The following COQ2 variants were observed in gnomAD, a reference collection of about 807,000 sequenced individuals.
COQ2 encodes 4-hydroxybenzoate polyprenyltransferase, mitochondrial.
A neutral mutation model predicts 35.7 loss-of-function variants in COQ2; 25 were observed. That is an observed-to-expected ratio of 0.70 (90% confidence interval 0.51 to 0.98). The LOEUF (loss-of-function observed/expected upper bound fraction) is 0.98, where lower values mean the gene tolerates loss of function less well. COQ2 is among the 50% of genes least tolerant of loss of function. The pLI is 0.00. For missense variants in COQ2, 488 were observed against 473.5 expected, an observed-to-expected ratio of 1.03 and a Z score of -0.28; for synonymous variants, 206 against 186.2, an observed-to-expected ratio of 1.11 and a Z score of -0.86.
At chr4:83,275,340 G>C (rs1361289347) in intron 2 of COQ2, among the ~76,000 whole-genome samples, 4 of 151,966 alleles carry the variant, frequency 2.6e-5, no homozygotes, top group Non-Finnish European at 1.5e-5. Context: ...GGTGGGAGAT[G>C]CTGCCTAATT....
At chr4:83,268,486 G>C (rs1734974638) in intron 5 of COQ2, among the ~76,000 whole-genome samples, 2 of 152,206 alleles carry the variant, frequency 1.3e-5, no homozygotes, top group Admixed American at 1.3e-4. Flanking sequence ...AACCTGACAG[G>C]CTCTCTTTTG....
chr4:83,274,271 G>A (rs1735115444), intron 2 of COQ2, among the ~76,000 whole-genome samples: 1 of 152,070 alleles, frequency 6.6e-6, no homozygotes, highest in Non-Finnish European at 1.5e-5. Flanking sequence ...TCAGCTCACT[G>A]CAACCTCTGC....
At position 83,279,928 on chromosome 4, in the gene COQ2, G is replaced by A. The variant is rs372914840; in HGVS notation, c.254-814C>T. Among the ~76,000 whole-genome samples the A allele has an allele frequency of 4.6e-4, 64 of 138,170 alleles. No homozygotes were observed. The South Asian group carries it at 0.015, about 31-fold the overall frequency. 90.6% of individuals were successfully genotyped at this position (138,170 alleles called of 152,430 possible). ...CAAGCTGGCGTACAATGGCATAATC[G>A]TAGCTCACTGTGGCTTCAAACTCCT... On this transcript the variant is annotated intron_variant, in intron 1 of 6. Transcript: ENST00000647002.
At chr4:83,275,877 C>T (rs1735153695) in intron 2 of COQ2, among the ~76,000 whole-genome samples, 1 of 151,402 alleles carries the variant, frequency 6.6e-6, no homozygotes. Context: ...GACTATTTTT[C>T]ATTTTCTGGA....
At chr4:83,281,973 T>TC (rs1735335570) in intron 1 of COQ2, among the ~76,000 whole-genome samples, 1 of 152,164 alleles carries the variant, frequency 6.6e-6, no homozygotes, top group African/African-American at 2.4e-5. Context: ...TTTTTTTTTT[T>TC]TGTCTTCCAT....
chr4:83,284,423 C>T, intron 1 of COQ2, 89 bp downstream of exon 1: 3 of 1,456,170 alleles, frequency 2.1e-6, no homozygotes, highest in Non-Finnish European at 1.8e-6. Flanking sequence ...TTCCATCACG[C>T]CCCGGCCGGC....
At chr4:83,283,516 T>G in intron 1 of COQ2, 1 of 985,468 alleles carries the variant, frequency 1.0e-6, no homozygotes, top group Non-Finnish European at 1.2e-6. Flanking sequence ...CAACTTGTCC[T>G]TTGGAGTATA....
chr4:83,269,936 T>A lies in COQ2; in HGVS notation c.686A>T (p.Asp229Val). The change falls in exon 5 of 7, where the codon GAT becomes GTT. Residue 229 changes from aspartate to valine, a missense_variant. Transcript: ENST00000647002. Reference protein sequence around the residue: ...LGWSAIKGSCDPSVCLPLYFS... With the variant: ...LGWSAIKGSCVPSVCLPLYFS... The stretch of plus-strand genomic sequence containing the variant: ...ATAAAGAGGCAGGCAAACAGATGGA[T>A]CACAGGAACCCTTGATAGCAGACCA... 1.2e-6 allele frequency: 2 copies of A among 1,613,584 alleles called. No homozygotes were observed. Among genetic ancestry groups the A allele is most frequent in the Non-Finnish European group, 1.7e-6 (2 of 1,179,660 alleles).
intron 2 of COQ2, among the ~76,000 whole-genome samples, chr4:83,276,303 T>G (rs571849930): frequency 4.6e-5 from 7 of 152,142 alleles, no homozygotes; most frequent in Non-Finnish European, 8.8e-5. Flanking sequence ...AGCCCTTTGT[T>G]GGACGCATTG....
At chr4:83,266,094 T>C (rs1734912079) in intron 6 of COQ2, among the ~76,000 whole-genome samples, 2 of 152,306 alleles carry the variant, frequency 1.3e-5, no homozygotes, top group South Asian at 2.1e-4. Flanking sequence ...ATGTCAGCCC[T>C]CATGGAGCTG....
chr4:83,276,023 TA>T (rs1199065011), intron 2 of COQ2, among the ~76,000 whole-genome samples: 7 of 50,756 alleles, frequency 1.4e-4, no homozygotes, highest in African/African-American at 2.0e-4. Context: ...ATATAATATA[TA>T]TTTTTATATA....
At chr4:83,267,797 A>G (rs1734957976) in intron 5 of COQ2, 23 bp from the exon 6 acceptor site, 3 of 1,516,494 alleles carry the variant, frequency 2.0e-6, no homozygotes, top group South Asian at 2.5e-5. Context: ...AGAAAAATAA[A>G]CTGTTTTTTG....
At chr4:83,273,662 A>G in intron 2 of COQ2, 45 bp from the exon 3 acceptor site, 3 of 1,584,584 alleles carry the variant, frequency 1.9e-6, no homozygotes, top group Non-Finnish European at 2.6e-6. Context: ...TAATGACTCA[A>G]TCATTTATTT....
rs756776799 is a variant in COQ2, at chr4:83,267,552, G to A, written c.951+34C>T. 11 of 1,504,944 alleles carry A rather than the reference G, an allele frequency of 7.3e-6. No individual in the cohort carries two copies. The East Asian group carries it at 2.5e-4, about 34-fold the overall frequency. The allele number at this position is 1,504,944 out of a possible 1,614,324, so 93.2% of individuals were successfully genotyped here. On this transcript the variant is annotated intron_variant, in intron 6 of 6. Coordinates refer to ENST00000647002, the MANE Select transcript of COQ2 (RefSeq NM_001358921.2). ...AATAATTTTTATAATTTATACCAAG[G>A]AAATATGAGGGACAAATAAGAAAAA... is the stretch of plus-strand genomic sequence containing the variant.
chr4:83,269,740 T>C lies in COQ2; in HGVS notation c.762+120A>G, dbSNP rs918909725. 50 of 928,214 alleles carry C rather than the reference T, an allele frequency of 5.4e-5. No individual in the cohort carries two copies. The South Asian group carries it at 6.2e-4, about 11-fold the overall frequency. The allele number at this position is 928,214 out of a possible 1,614,324, so 57.5% of individuals were successfully genotyped here. ...AAAAAAAAAATTCTTCCTCCTTAAT[T>C]TGGTTCTTAAAGTTCTTAAAAAACA... On this transcript the variant is annotated intron_variant, in intron 5 of 6. Transcript: ENST00000647002.
Position 83,265,488 on chromosome 4 carries a change from C to T in COQ2, c.952-1125G>A, listed in dbSNP as rs186499495. Among the ~76,000 whole-genome samples, 3 of 152,172 alleles carry T rather than the reference C, an allele frequency of 2.0e-5. No individual in the cohort carries two copies. The East Asian group carries it at 5.9e-4, about 30-fold the overall frequency. ...TACGGAGGCTGAGGCACGAGAATCG[C>T]TTGAAACCAGGAGGTGGTGGAGGTT... On this transcript the variant is annotated intron_variant, in intron 6 of 6. Coordinates refer to ENST00000647002, the MANE Select transcript of COQ2 (RefSeq NM_001358921.2).
At position 83,270,099 on chromosome 4, in the gene COQ2, C is replaced by G. The variant is rs183694694; in HGVS notation, c.629-106G>C. 160 of 1,179,170 alleles carry G rather than the reference C, an allele frequency of 1.4e-4. No homozygotes were observed. In the Admixed American group the frequency reaches 1.7e-3, roughly 13 times the overall value. The allele number at this position is 1,179,170 out of a possible 1,614,324, so 73.0% of individuals were successfully genotyped here. A position where few individuals can be genotyped will look rare whatever the true frequency, so the allele number is the denominator to read the frequency against. On this transcript the variant is annotated intron_variant, in intron 4 of 6. Coordinates refer to ENST00000647002, the MANE Select transcript of COQ2 (RefSeq NM_001358921.2). ...GTTCAGTGCTCCTGGGTATCAGACT[C>G]TGTGTGTGCTGCTTTCTGTGGGTTC...
intron 1 of COQ2, among the ~76,000 whole-genome samples, chr4:83,282,111 A>G (rs953386599): frequency 1.3e-5 from 2 of 152,198 alleles, no homozygotes; most frequent in Non-Finnish European, 2.9e-5. Flanking sequence ...GATGAAATAA[A>G]ATGAGCAAGT....
At position 83,269,918 on chromosome 4, in the gene COQ2, G is replaced by C. The variant is rs1161445886; in HGVS notation, c.704C>G (p.Pro235Arg). The C allele has an allele frequency of 5.0e-6, 8 of 1,612,608 alleles. No individual in the cohort carries two copies. Among genetic ancestry groups the C allele is most frequent in the South Asian group, 1.1e-5 (1 of 90,966 alleles). ...CCACATAACTCCAGAAAAATAAAGA[G>C]GCAGGCAAACAGATGGATCACAGGA... ...KGSCDPSVCL[P>R]LYFSGVMWTL... Residue 235 changes from proline to arginine, a missense_variant, in exon 5 of 7, where the codon CCT becomes CGT. Coordinates refer to ENST00000647002, the MANE Select transcript of COQ2 (RefSeq NM_001358921.2).
Sources: allele counts gnomAD v4.1 joint callset (sites outside exome capture counted in the v4.1 genomes callset), GRCh38; gene constraint gnomAD v4.1.1; transcripts MANE v1.5; gene names NCBI Gene and HGNC (gene_info 2026-07-23, HGNC 2026-07-21).